LRBA: variants seen among roughly 807,000 people sequenced by gnomAD.
The protein encoded by LRBA is LPS responsive beige-like anchor protein.
In LRBA, 176 loss-of-function variants were observed where a neutral mutation model predicts 330.0. The ratio of observed to expected loss-of-function variants is 0.53; its 90% CI spans 0.47 to 0.60. The LOEUF (loss-of-function observed/expected upper bound fraction) is 0.60, where lower values mean the gene tolerates loss of function less well. LRBA is among the 20% of genes least tolerant of loss of function. The pLI, the probability that LRBA is intolerant of heterozygous loss-of-function variation, is 0.00. For missense variants in LRBA, 3,259 were observed against 3,444.8 expected (o/e 0.95, Z 1.35); for synonymous variants, 1,230 against 1,193.0 (o/e 1.03, Z -0.64).
chr4:150,893,090 G>A lies in LRBA; in HGVS notation c.2127C>T (p.Asn709=), dbSNP rs1461932546. ...TTTGGTCAAAAGCAGGAATCATAGA[G>A]TTAGGGTGTTCTGACATTAATGCAA... ...LLVALMSEHP[N]SMIPAFDQRN... Residue 709 remains asparagine (N), a synonymous_variant, in exon 17 of 57, where the codon AAC becomes AAT. Coordinates refer to ENST00000651943, the MANE Select transcript of LRBA (RefSeq NM_001364905.1). 6.2e-7 allele frequency: 1 copy of A among 1,612,448 alleles called. No homozygotes were observed. The highest frequency in any genetic ancestry group is 8.5e-7 in the Non-Finnish European group (1 of 1,178,992).
chr4:150,617,638 G>A (rs954108327), intron 37 of LRBA, among the ~76,000 whole-genome samples: 6 of 151,220 alleles, frequency 4.0e-5, no homozygotes, highest in African/African-American at 1.2e-4. Flanking sequence ...ATGAGACTTC[G>A]TCTCAAAAAA....
chr4:150,783,628 G>A (rs1738591388), intron 34 of LRBA, among the ~76,000 whole-genome samples: 1 of 152,158 alleles, frequency 6.6e-6, no homozygotes, highest in South Asian at 2.1e-4. Flanking sequence ...GCACTGTGTT[G>A]TATCCAGTAT....
intron 47 of LRBA, among the ~76,000 whole-genome samples, chr4:150,398,100 T>C (rs1395055080): frequency 2.0e-5 from 3 of 152,102 alleles, no homozygotes; most frequent in Non-Finnish European, 4.4e-5. Flanking sequence ...GATCATGAGA[T>C]CCTGGCAAGA....
At chr4:150,303,037 G>A (rs746071252) in intron 52 of LRBA, among the ~76,000 whole-genome samples, 2 of 152,122 alleles carry the variant, frequency 1.3e-5, no homozygotes, top group Non-Finnish European at 1.5e-5. Flanking sequence ...AATAATACTT[G>A]AGGACCATGG....
intron 37 of LRBA, among the ~76,000 whole-genome samples, chr4:150,641,598 T>C (rs1177554254): frequency 6.6e-6 from 1 of 152,142 alleles, no homozygotes; most frequent in Non-Finnish European, 1.5e-5. Context: ...TTTTTTTCTT[T>C]GCAGCAAAAA....
chr4:150,273,252 A>G (rs1746361501), intron 56 of LRBA, among the ~76,000 whole-genome samples: 1 of 152,214 alleles, frequency 6.6e-6, no homozygotes, highest in African/African-American at 2.4e-5. Context: ...TTTACAGACA[A>G]GCAAGTGTTG....
intron 34 of LRBA, among the ~76,000 whole-genome samples, chr4:150,781,372 C>T (rs774852621): frequency 3.2e-4 from 49 of 152,200 alleles, no homozygotes; most frequent in African/African-American, 9.4e-4. Context: ...ATCAGCTGCA[C>T]GCACAGTTCA....
chr4:150,639,363 A>AT (rs1464673565), intron 37 of LRBA, among the ~76,000 whole-genome samples: 3 of 145,950 alleles, frequency 2.1e-5, no homozygotes, highest in Non-Finnish European at 4.5e-5. Flanking sequence ...AGTATAATAA[A>AT]AAAAAAAAAG....
rs74621740 is a variant in LRBA, at chr4:150,594,067, C to T, written c.6047-3208G>A. On this transcript the variant is annotated intron_variant, in intron 38 of 56. Coordinates refer to ENST00000651943, the MANE Select transcript of LRBA (RefSeq NM_001364905.1). ...AGGTGTACTGTATGCATACACACAC[C>T]CACTTTAATTTATTTATTTACTTAT... is the stretch of plus-strand genomic sequence containing the variant. Among the ~76,000 whole-genome samples, 187 of 151,844 alleles carry T rather than the reference C, an allele frequency of 1.2e-3. 3 individuals carry two copies. Among genetic ancestry groups the T allele is most frequent in the African/African-American group, 4.4e-3 (183 of 41,416 alleles).
chr4:150,620,097 C>T (rs920966791), intron 37 of LRBA, among the ~76,000 whole-genome samples: 2 of 152,010 alleles, frequency 1.3e-5, no homozygotes, highest in African/African-American at 2.4e-5. Flanking sequence ...GTTAATGTTT[C>T]GTTAATGGAT....
At chr4:150,721,739 C>G (rs1009026394) in intron 36 of LRBA, among the ~76,000 whole-genome samples, 3 of 152,096 alleles carry the variant, frequency 2.0e-5, no homozygotes, top group African/African-American at 7.2e-5. Context: ...CTCAGCCTCC[C>G]GAGTAGCTGG....
chr4:150,655,838 A>T (rs753118468), intron 37 of LRBA, among the ~76,000 whole-genome samples: 1 of 152,266 alleles, frequency 6.6e-6, no homozygotes, highest in Non-Finnish European at 1.5e-5. Flanking sequence ...AATAAAAATC[A>T]TGGTGACATG....
rs558674207 is a variant in LRBA at position 150,691,137 on chromosome 4, A to G, written c.5755-7420T>C. ...AGTAGAGGCGGGGTTTCACCATGTT[A>G]GCCAGGATGGTCTCAATCTCTTGAC... On this transcript the variant is annotated intron_variant, in intron 36 of 56. Transcript: ENST00000651943. 2.5e-3 allele frequency among the ~76,000 whole-genome samples: 383 copies of G among 151,962 alleles called. 1 individual carries two copies. The highest frequency in any genetic ancestry group is 8.8e-3 in the African/African-American group (366 of 41,488).
At chr4:150,395,155 G>T (rs376097837) in intron 47 of LRBA, among the ~76,000 whole-genome samples, 1 of 151,974 alleles carries the variant, frequency 6.6e-6, no homozygotes, top group East Asian at 1.9e-4. Context: ...AGATAAAAAT[G>T]GGATTAAGTG....
chr4:150,704,011 C>A (rs761777714), intron 36 of LRBA, among the ~76,000 whole-genome samples: 16 of 151,984 alleles, frequency 1.1e-4, no homozygotes, highest in African/African-American at 3.9e-4. Context: ...TTGGAACTCT[C>A]CTGCACAATA....
chr4:150,702,612 T>C (rs958741731), intron 36 of LRBA, among the ~76,000 whole-genome samples: 1 of 152,142 alleles, frequency 6.6e-6, no homozygotes, highest in Non-Finnish European at 1.5e-5. Context: ...CAACACTACA[T>C]AGTTAATTAG....
intron 40 of LRBA, among the ~76,000 whole-genome samples, chr4:150,491,282 A>G (rs1414170359): frequency 6.7e-6 from 1 of 150,322 alleles, no homozygotes; most frequent in Non-Finnish European, 1.5e-5. Flanking sequence ...AAAAACAATG[A>G]TATAATCTAC....
rs145772259 is a variant in LRBA, at chr4:150,905,310, T to C, written c.1755+528A>G. ...AAAAGTGACATTTCAGTGGTACCTA[T>C]AAGAATGAAACTCAGTAGTTCATCA... On this transcript the variant is annotated intron_variant, in intron 13 of 56. Coordinates refer to ENST00000651943, the MANE Select transcript of LRBA (RefSeq NM_001364905.1). Among the ~76,000 whole-genome samples, 73 of 151,960 alleles carry C rather than the reference T, an allele frequency of 4.8e-4. No homozygotes were observed. In the East Asian group the frequency reaches 9.7e-3, roughly 20 times the overall value.
chr4:150,985,482 CT>C (rs974836683), intron 2 of LRBA, among the ~76,000 whole-genome samples: 2 of 149,746 alleles, frequency 1.3e-5, no homozygotes, highest in East Asian at 1.9e-4. Flanking sequence ...TAGAATTGCA[CT>C]TTTTTTTAAT....
Sources: gnomAD v4.1 joint callset for allele counts (sites outside exome capture counted in the v4.1 genomes callset) on GRCh38, gnomAD v4.1.1 for gene constraint, MANE v1.5 for transcripts, NCBI Gene and HGNC (gene_info 2026-07-23, HGNC 2026-07-21) for gene names.